The following ADGRB3 variants were observed in gnomAD, a reference collection of about 807,000 sequenced individuals.
The protein encoded by ADGRB3 is brain-specific angiogenesis inhibitor 3.
In ADGRB3, 37 loss-of-function variants were observed where a neutral mutation model predicts 193.4. The ratio of observed to expected loss-of-function variants is 0.19; its 90% CI spans 0.15 to 0.25. The LOEUF is 0.25. ADGRB3 is among the 10% of genes least tolerant of loss of function. The probability of loss-of-function intolerance (pLI) is 1.00; values close to 1 mark genes in which losing one functional copy is unlikely to be tolerated. For missense variants in ADGRB3, 1,637 were observed against 1,852.9 expected, an observed-to-expected ratio of 0.88 and a Z score of 2.14; for synonymous variants, 690 against 644.2, an observed-to-expected ratio of 1.07 and a Z score of -1.08.
chr6:69,166,461 T>C (rs1421587567), intron 17 of ADGRB3, among the ~76,000 whole-genome samples: 1 of 152,108 alleles, frequency 6.6e-6, no homozygotes. Context: ...TTTAAATAAA[T>C]TAACAAGAAA....
chr6:68,961,707 A>C (rs552072954), intron 8 of ADGRB3, among the ~76,000 whole-genome samples: 1 of 152,286 alleles, frequency 6.6e-6, no homozygotes, highest in South Asian at 2.1e-4. Context: ...TTCTTTTCTA[A>C]AGAGAAAATA....
chr6:69,238,274 C>A (rs147497227), intron 19 of ADGRB3, among the ~76,000 whole-genome samples: 13 of 152,170 alleles, frequency 8.5e-5, no homozygotes, highest in African/African-American at 3.1e-4. Flanking sequence ...ACAACAGTGT[C>A]TTTTTGTTAC....
At chr6:69,069,864 A>G (rs199604780) in intron 16 of ADGRB3, among the ~76,000 whole-genome samples, 1 of 152,214 alleles carries the variant, frequency 6.6e-6, no homozygotes, top group East Asian at 1.9e-4. Flanking sequence ...TTGGGTAGTT[A>G]TATACAATAA....
intron 3 of ADGRB3, among the ~76,000 whole-genome samples, chr6:68,642,792 T>A (rs1415065444): frequency 6.6e-6 from 1 of 150,784 alleles, no homozygotes; most frequent in Non-Finnish European, 1.5e-5. Context: ...TCTTAACATA[T>A]AATGGCTATA....
chr6:69,230,626 T>A (rs1766113505), intron 17 of ADGRB3, among the ~76,000 whole-genome samples: 1 of 152,220 alleles, frequency 6.6e-6, no homozygotes, highest in African/African-American at 2.4e-5. Flanking sequence ...AAAACTCTCA[T>A]GAGTTTTATA....
chr6:68,974,650 A>G (rs34526480), intron 8 of ADGRB3, 113 bp from the exon 9 acceptor site: 39,418 of 780,306 alleles, frequency 0.051, 1,233 homozygotes, highest in African/African-American at 0.086. Flanking sequence ...AAAAGAAAGA[A>G]AAAAAAAGAA....
chr6:69,062,870 A>G (rs1771788445), intron 15 of ADGRB3, 64 bp from the exon 16 acceptor site: 4 of 1,155,932 alleles, frequency 3.5e-6, no homozygotes, highest in Admixed American at 3.7e-5. Flanking sequence ...AAATGTATTG[A>G]GCAGTAGGAA....
intron 17 of ADGRB3, among the ~76,000 whole-genome samples, chr6:69,161,469 T>G (rs1774984241): frequency 6.6e-6 from 1 of 152,140 alleles, no homozygotes; most frequent in Non-Finnish European, 1.5e-5. Context: ...CAGAATTGCC[T>G]AGGAGACTTG....
chr6:69,078,608 G>A (rs945331097), intron 17 of ADGRB3, among the ~76,000 whole-genome samples: 6 of 151,820 alleles, frequency 4.0e-5, no homozygotes, highest in Admixed American at 2.6e-4. Flanking sequence ...TCTCTATATT[G>A]ATGACTATTG....
At chr6:68,957,803 T>C (rs1029377425) in intron 8 of ADGRB3, among the ~76,000 whole-genome samples, 29 of 152,296 alleles carry the variant, frequency 1.9e-4, no homozygotes, top group African/African-American at 7.0e-4. Context: ...TTTCCAAAGT[T>C]AGTATTATAA....
At chr6:68,786,524 G>T (rs1373736932) in intron 3 of ADGRB3, among the ~76,000 whole-genome samples, 8 of 152,016 alleles carry the variant, frequency 5.3e-5, no homozygotes, top group Non-Finnish European at 1.2e-4. Context: ...TCTCTGTTTT[G>T]GTACCAGTAC....
At chr6:69,181,203 T>G (rs551676152) in intron 17 of ADGRB3, among the ~76,000 whole-genome samples, 1 of 152,320 alleles carries the variant, frequency 6.6e-6, no homozygotes, top group African/African-American at 2.4e-5. Context: ...CCAATTTTCC[T>G]TATTGAAATA....
At chr6:68,830,565 G>A (rs1197221282) in intron 3 of ADGRB3, among the ~76,000 whole-genome samples, 2 of 151,908 alleles carry the variant, frequency 1.3e-5, no homozygotes, top group Admixed American at 6.6e-5. Flanking sequence ...AATTTCACTG[G>A]CATTTTTTAT....
At chr6:68,744,268 G>A (rs1281757948) in intron 3 of ADGRB3, among the ~76,000 whole-genome samples, 1 of 152,058 alleles carries the variant, frequency 6.6e-6, no homozygotes, top group African/African-American at 2.4e-5. Flanking sequence ...GAAGAAATAG[G>A]AATGCTTTAC....
rs74487754 is a variant in ADGRB3, at chr6:68,746,994, T to A, written c.757+107562T>A. ...CTTACAGCTTCCATAAGTCACTACC[T>A]TGTTAAGGCAGCCTGCAGTAGTGAA... On this transcript the variant is annotated intron_variant, in intron 3 of 31. Coordinates refer to ENST00000370598, the MANE Select transcript of ADGRB3 (RefSeq NM_001704.3). Among the ~76,000 whole-genome samples, 1,547 of 152,206 alleles carry A rather than the reference T, an allele frequency of 0.01. 60 individuals are homozygous for A. The East Asian group carries it at 0.13, about 13-fold the overall frequency.
At chr6:68,749,927 T>A (rs1009657920) in intron 3 of ADGRB3, among the ~76,000 whole-genome samples, 1 of 152,188 alleles carries the variant, frequency 6.6e-6, no homozygotes, top group Non-Finnish European at 1.5e-5. Flanking sequence ...ACAAATGAGT[T>A]AACAATTTAA....
chr6:68,888,871 G>A (rs1765989506), intron 3 of ADGRB3, among the ~76,000 whole-genome samples: 2 of 152,138 alleles, frequency 1.3e-5, no homozygotes, highest in South Asian at 4.1e-4. Context: ...TCCTCAGCAT[G>A]TTCAAGGGTT....
intron 3 of ADGRB3, among the ~76,000 whole-genome samples, chr6:68,750,583 T>G (rs981842058): frequency 6.6e-6 from 1 of 152,244 alleles, no homozygotes; most frequent in African/African-American, 2.4e-5. Context: ...ACTTTGTTAG[T>G]AAATATTTTT....
At chr6:69,170,655 G>T (rs16900556) in intron 17 of ADGRB3, among the ~76,000 whole-genome samples, 21,478 of 152,168 alleles carry the variant, frequency 0.14, 1,570 homozygotes, top group Middle Eastern at 0.16. Context: ...ATATAGAAAA[G>T]GTGTTCTCTG....
Sources: gnomAD v4.1 joint callset for allele counts (sites outside exome capture counted in the v4.1 genomes callset) on GRCh38, gnomAD v4.1.1 for gene constraint, MANE v1.5 for transcripts, NCBI Gene and HGNC (gene_info 2026-07-23, HGNC 2026-07-21) for gene names.